The following TMEM117 variants were observed in gnomAD, a reference collection of about 807,000 sequenced individuals.
TMEM117 encodes the protein transmembrane protein 117.
A neutral mutation model predicts 52.4 loss-of-function variants in TMEM117; 27 were observed. The ratio of observed to expected loss-of-function variants is 0.51; its 90% CI spans 0.38 to 0.71. TMEM117 has a LOEUF of 0.71. Among genes scored for constraint, TMEM117 ranks in the 30% least tolerant of loss-of-function variants. TMEM117 has a pLI of 0.00. For missense variants in TMEM117, 556 were observed against 630.5 expected (o/e 0.88, Z 1.26); for synonymous variants, 215 against 206.3 (o/e 1.04, Z -0.36).
At chr12:44,212,261 G>A (rs73100848) in intron 5 of TMEM117, among the ~76,000 whole-genome samples, 16,154 of 152,138 alleles carry the variant, frequency 0.11, 947 homozygotes, top group Middle Eastern at 0.2. Flanking sequence ...GAGATCAATC[G>A]TCTCTTTGTC....
intron 5 of TMEM117, among the ~76,000 whole-genome samples, chr12:44,237,396 AC>A (rs1950010426): frequency 6.6e-6 from 1 of 151,834 alleles, no homozygotes; most frequent in African/African-American, 2.4e-5. Context: ...TTGTTTATAT[AC>A]CCCCCATTAG....
chr12:44,387,104 T>C (rs930115252), intron 7 of TMEM117, among the ~76,000 whole-genome samples: 5 of 151,848 alleles, frequency 3.3e-5, no homozygotes, highest in African/African-American at 7.2e-5. Flanking sequence ...ATTATTATAA[T>C]ATACATGATA....
the TMEM117 span, among the ~76,000 whole-genome samples, chr12:43,824,353 C>G: frequency 6.6e-6 from 1 of 152,168 alleles, no homozygotes; most frequent in Non-Finnish European, 1.5e-5. Context: ...GAATCTATCC[C>G]TATTGGTAGA....
intron 3 of TMEM117, among the ~76,000 whole-genome samples, chr12:44,018,479 A>C (rs1186122889): frequency 6.6e-6 from 1 of 152,208 alleles, no homozygotes; most frequent in Non-Finnish European, 1.5e-5. Context: ...TTTTAATTAG[A>C]AATGGCCAAA....
At chr12:43,969,129 A>G (rs564625776) in intron 3 of TMEM117, among the ~76,000 whole-genome samples, 1 of 152,192 alleles carries the variant, frequency 6.6e-6, no homozygotes, top group South Asian at 2.1e-4. Flanking sequence ...GAAGTAGAAA[A>G]TGCACTTTAA....
intron 3 of TMEM117, among the ~76,000 whole-genome samples, chr12:43,948,450 T>C (rs1400724710): frequency 6.6e-6 from 1 of 151,930 alleles, no homozygotes; most frequent in Non-Finnish European, 1.5e-5. Flanking sequence ...GGACTACAGG[T>C]GCCTGCCACC....
intron 3 of TMEM117, among the ~76,000 whole-genome samples, chr12:44,106,688 C>T (rs1000637847): frequency 6.6e-6 from 1 of 151,576 alleles, no homozygotes; most frequent in Non-Finnish European, 1.5e-5. Flanking sequence ...AATTATGTAT[C>T]TGGGAAAATA....
chr12:44,008,350 CGA>C (rs1946234835), intron 3 of TMEM117, among the ~76,000 whole-genome samples: 2 of 152,108 alleles, frequency 1.3e-5, no homozygotes, highest in Admixed American at 1.3e-4. Flanking sequence ...GGGGAAGCTT[CGA>C]ATAACCAGAT....
At chr12:44,135,548 G>A (rs1948477962) in intron 3 of TMEM117, among the ~76,000 whole-genome samples, 1 of 152,170 alleles carries the variant, frequency 6.6e-6, no homozygotes, top group South Asian at 2.1e-4. Context: ...GGAATATGGA[G>A]TAAATCATTG....
At chr12:44,373,078 A>G (rs1002325910) in intron 6 of TMEM117, among the ~76,000 whole-genome samples, 2 of 152,248 alleles carry the variant, frequency 1.3e-5, no homozygotes, top group Non-Finnish European at 2.9e-5. Flanking sequence ...GCCTAGGATT[A>G]TAATAGAACG....
At chr12:43,816,179 G>A in the TMEM117 span, among the ~76,000 whole-genome samples, 5 of 152,254 alleles carry the variant, frequency 3.3e-5, no homozygotes, top group South Asian at 6.2e-4. Flanking sequence ...GGAAAGGGAC[G>A]AGGTAGACAA....
At chr12:43,848,256 G>T (rs1943245451) in intron 2 of TMEM117, among the ~76,000 whole-genome samples, 1 of 152,118 alleles carries the variant, frequency 6.6e-6, no homozygotes, top group Non-Finnish European at 1.5e-5. Flanking sequence ...CAGCATTTGA[G>T]AGTAGAGAAC....
intron 3 of TMEM117, among the ~76,000 whole-genome samples, chr12:44,001,068 G>A (rs1418638031): frequency 2.6e-5 from 4 of 152,156 alleles, no homozygotes; most frequent in Non-Finnish European, 5.9e-5. Flanking sequence ...TCGACTCCTC[G>A]AAGGCTTCTG....
intron 4 of TMEM117, among the ~76,000 whole-genome samples, chr12:44,181,323 A>AAAACTACCATC (rs1319418488): frequency 6.6e-6 from 1 of 151,996 alleles, no homozygotes; most frequent in Admixed American, 6.6e-5. Context: ...CTCTGATGGT[A>AAAACTACCATC]GTTTCTTTTG....
intron 2 of TMEM117, among the ~76,000 whole-genome samples, chr12:43,885,570 A>G (rs1408128233): frequency 6.6e-6 from 1 of 152,028 alleles, no homozygotes; most frequent in Admixed American, 6.5e-5. Context: ...TGAGATGACT[A>G]CTGTTAATAC....
chr12:44,075,319 G>A (rs1042546870), intron 3 of TMEM117, among the ~76,000 whole-genome samples: 1 of 152,224 alleles, frequency 6.6e-6, no homozygotes, highest in African/African-American at 2.4e-5. Flanking sequence ...CAGTAGCTGT[G>A]TGGCCTTGGG....
At chr12:43,996,700 C>T (rs1383739703) in intron 3 of TMEM117, among the ~76,000 whole-genome samples, 1 of 151,704 alleles carries the variant, frequency 6.6e-6, no homozygotes, top group Non-Finnish European at 1.5e-5. Flanking sequence ...GGATTTTCTC[C>T]CAGCATGATC....
At chr12:43,802,627 T>C in the TMEM117 span, among the ~76,000 whole-genome samples, 2 of 152,296 alleles carry the variant, frequency 1.3e-5, no homozygotes, top group Admixed American at 1.3e-4. Context: ...AATTATGACA[T>C]AGAGTATTAT....
intron 3 of TMEM117, among the ~76,000 whole-genome samples, chr12:44,004,636 T>C (rs1291294918): frequency 6.6e-6 from 1 of 152,170 alleles, no homozygotes; most frequent in Admixed American, 6.5e-5. Flanking sequence ...TTCTTTTTAG[T>C]GGCCAGTTTA....
Sources: allele counts gnomAD v4.1 joint callset (sites outside exome capture counted in the v4.1 genomes callset), GRCh38; gene constraint gnomAD v4.1.1; transcripts MANE v1.5; gene names NCBI Gene and HGNC (gene_info 2026-07-23, HGNC 2026-07-21).